The following COL6A5 variants were observed in gnomAD, a reference collection of about 807,000 sequenced individuals.
COL6A5 encodes the protein collagen type VI alpha 5 chain, also known as collagen alpha-5(VI) chain.
COL6A5 carries 48 observed loss-of-function variants against 65.6 expected under a neutral mutation model. That is an observed-to-expected ratio of 0.73 (90% CI 0.58 to 0.93). The LOEUF is 0.93. Ranked by LOEUF, COL6A5 falls within the 40% of genes least tolerant of loss-of-function variation. The pLI is 0.00. For synonymous variants in COL6A5, 291 were observed against 322.8 expected, an observed-to-expected ratio of 0.90 and a Z score of 1.05; for missense variants, 914 against 928.3, an observed-to-expected ratio of 0.98 and a Z score of 0.20.
In COL6A5 at chr3:130,376,397, C is replaced by T. The variant is rs764142458; in HGVS notation, c.228C>T (p.Asp76=). The change falls in exon 3 of 42, where the codon GAC becomes GAT. Residue 76 remains aspartate, a synonymous_variant and NMD_transcript_variant. Coordinates refer to the COL6A5 transcript ENST00000312481. ...GTGTAGCCCTGGCCCAGTACAGCGA[C>T]GAGTTTCACAGTGAATTCCATCTGA... The T allele has an allele frequency of 1.7e-5, 27 of 1,613,364 alleles. No homozygotes were observed. In the East Asian group the frequency reaches 2.0e-4, roughly 12 times the overall value.
At chr3:130,407,433 TA>T (rs1190244902) in intron 17 of COL6A5, among the ~76,000 whole-genome samples, 7 of 152,306 alleles carry the variant, frequency 4.6e-5, no homozygotes, top group Admixed American at 1.3e-4. Flanking sequence ...TTACTTGCAG[TA>T]ATGTGGACGA....
chr3:130,481,992 G>T (rs1710258966), intron 7 of COL6A5, among the ~76,000 whole-genome samples: 2 of 152,096 alleles, frequency 1.3e-5, no homozygotes, highest in African/African-American at 2.4e-5. Flanking sequence ...CCATTCTGTA[G>T]GTTGCCTGTT....
intron 3 of COL6A5, among the ~76,000 whole-genome samples, chr3:130,442,127 C>A (rs1004987469): frequency 6.6e-6 from 1 of 152,116 alleles, no homozygotes; most frequent in Non-Finnish European, 1.5e-5. Context: ...AAGATGCCCT[C>A]AATTGTATAA....
exon 8 of COL6A5, chr3:130,484,261 C>A (rs1052538559): frequency 5.6e-6 from 3 of 537,702 alleles, no homozygotes; most frequent in Non-Finnish European, 6.5e-6. Flanking sequence ...GAAGACCTGA[C>A]AAACCAGGAA....
chr3:130,371,871 A>G (rs966707015), intron 1 of COL6A5, among the ~76,000 whole-genome samples: 16 of 152,216 alleles, frequency 1.1e-4, no homozygotes, highest in Admixed American at 2.0e-4. Flanking sequence ...CAAAGGACAC[A>G]TTTAAAAAGT....
At chr3:130,463,513 T>G (rs956810597) in intron 5 of COL6A5, among the ~76,000 whole-genome samples, 18 of 152,154 alleles carry the variant, frequency 1.2e-4, no homozygotes, top group African/African-American at 3.1e-4. Context: ...ACATTTGGTG[T>G]TGTGGCTTAA....
At chr3:130,445,830 C>G (rs921087812) in intron 4 of COL6A5, among the ~76,000 whole-genome samples, 6 of 152,048 alleles carry the variant, frequency 3.9e-5, no homozygotes, top group Admixed American at 1.3e-4. Context: ...TTTTAAATAG[C>G]CCTTTGGTGC....
chr3:130,417,696 C>T (rs548739206), intron 24 of COL6A5, among the ~76,000 whole-genome samples: 1 of 152,232 alleles, frequency 6.6e-6, no homozygotes, highest in Middle Eastern at 3.4e-3. Flanking sequence ...GAATCTGACT[C>T]CCCTGTTTAA....
At chr3:130,360,751 T>C (rs1191801770) in intron 1 of COL6A5, among the ~76,000 whole-genome samples, 1 of 152,144 alleles carries the variant, frequency 6.6e-6, no homozygotes, top group Non-Finnish European at 1.5e-5. Flanking sequence ...ACCATTCTTA[T>C]GATAAAATCA....
intron 4 of COL6A5, among the ~76,000 whole-genome samples, chr3:130,381,251 A>G (rs1210702491): frequency 6.6e-6 from 1 of 152,140 alleles, no homozygotes; most frequent in Non-Finnish European, 1.5e-5. Flanking sequence ...GATATTGGAG[A>G]TAACTAGTAA....
chr3:130,376,025 T>C (rs1935755824), intron 2 of COL6A5, among the ~76,000 whole-genome samples: 1 of 152,184 alleles, frequency 6.6e-6, no homozygotes, highest in Non-Finnish European at 1.5e-5. Context: ...TTATTGTCTC[T>C]TGTATATCTG....
chr3:130,368,715 G>A (rs932712441), intron 1 of COL6A5, among the ~76,000 whole-genome samples: 1 of 152,132 alleles, frequency 6.6e-6, no homozygotes, highest in African/African-American at 2.4e-5. Context: ...TGAGAGTGTG[G>A]AGGAGTGGTG....
chr3:130,392,206 G>A (rs536879629), intron 7 of COL6A5, among the ~76,000 whole-genome samples: 1 of 152,266 alleles, frequency 6.6e-6, no homozygotes, highest in Non-Finnish European at 1.5e-5. Context: ...CCCTCTAAAT[G>A]AGATCATAGG....
exon 9 of COL6A5, chr3:130,397,633 G>A (rs1187576859): frequency 1.3e-6 from 2 of 1,551,430 alleles, no homozygotes; most frequent in South Asian, 2.4e-5. Flanking sequence ...TCATGTGCAG[G>A]GGCAGCCTTT....
chr3:130,389,068 G>A (rs756200231), exon 6 of COL6A5: 4 of 1,485,432 alleles, frequency 2.7e-6, no homozygotes, highest in Non-Finnish European at 1.8e-6. Flanking sequence ...AGTTTTTCAT[G>A]TTGAGAACTT....
At chr3:130,360,564 T>G (rs1935072450) in intron 1 of COL6A5, among the ~76,000 whole-genome samples, 1 of 152,132 alleles carries the variant, frequency 6.6e-6, no homozygotes, top group Non-Finnish European at 1.5e-5. Context: ...ATGTATCATT[T>G]GTGGTGAAAG....
At chr3:130,397,220 T>G (rs939843431) in intron 8 of COL6A5, among the ~76,000 whole-genome samples, 1 of 152,158 alleles carries the variant, frequency 6.6e-6, no homozygotes, top group African/African-American at 2.4e-5. Flanking sequence ...ACCATTAAAA[T>G]GCACGCCCAC....
At chr3:130,415,499 G>C (rs903019757) in intron 22 of COL6A5, 146 bp from the exon 23 acceptor site, 1 of 616,434 alleles carries the variant, frequency 1.6e-6, no homozygotes, top group Non-Finnish European at 2.6e-6. Flanking sequence ...TGTCCTCAAT[G>C]ACTCTTAATA....
chr3:130,356,025 A>C (rs572351538), intron 1 of COL6A5, among the ~76,000 whole-genome samples: 2 of 152,154 alleles, frequency 1.3e-5, no homozygotes, highest in African/African-American at 4.8e-5. Flanking sequence ...GGTGTAGTGC[A>C]TACTTTTTTC....
Sources: allele counts gnomAD v4.1 joint callset (sites outside exome capture counted in the v4.1 genomes callset), GRCh38; gene constraint gnomAD v4.1.1; transcripts MANE v1.5; gene names NCBI Gene and HGNC (gene_info 2026-07-23, HGNC 2026-07-21).